Variants in MELK observed in about 807,000 individuals in gnomAD.
MELK encodes pEg3 kinase.
A neutral mutation model predicts 85.0 loss-of-function variants in MELK; 81 were observed. The ratio of observed to expected loss-of-function variants is 0.95; its 90% CI spans 0.80 to 1.15. The LOEUF is 1.15. Among genes scored for constraint, MELK ranks in the 50% most tolerant of loss-of-function variants. The pLI is 0.00. For missense variants in MELK, 754 were observed against 777.5 expected, an observed-to-expected ratio of 0.97 and a Z score of 0.36; for synonymous variants, 252 against 265.0, an observed-to-expected ratio of 0.95 and a Z score of 0.48.
chr9:36,589,484 G>A, intron 3 of MELK, 52 bp from the exon 4 acceptor site: 2 of 1,442,010 alleles, frequency 1.4e-6, no homozygotes, highest in Non-Finnish European at 2.0e-6. Context: ...TTGGAGCTTG[G>A]AACACCACCT....
intron 3 of MELK, among the ~76,000 whole-genome samples, chr9:36,585,734 C>T (rs965266902): frequency 1.3e-5 from 2 of 151,916 alleles, no homozygotes; most frequent in East Asian, 1.9e-4. Flanking sequence ...GCCAGGAGTT[C>T]GAGACTAGCC....
chr9:36,607,926 G>T (rs1054780290), intron 8 of MELK, among the ~76,000 whole-genome samples: 8 of 152,118 alleles, frequency 5.3e-5, no homozygotes, highest in African/African-American at 1.4e-4. Flanking sequence ...AGTTGCCCAT[G>T]GTCAACTGCG....
At chr9:36,616,033 G>A (rs1467060738) in intron 8 of MELK, among the ~76,000 whole-genome samples, 1 of 152,014 alleles carries the variant, frequency 6.6e-6, no homozygotes, top group Non-Finnish European at 1.5e-5. Context: ...GCCCCGCGGG[G>A]CCCGTCCGCT....
At chr9:36,654,914 G>A (rs1268949531) in intron 12 of MELK, among the ~76,000 whole-genome samples, 3 of 152,074 alleles carry the variant, frequency 2.0e-5, no homozygotes, top group East Asian at 1.9e-4. Flanking sequence ...ATTGAGACAC[G>A]AAGCAAGTCA....
At chr9:36,659,146 G>T (rs1052951224) in intron 13 of MELK, among the ~76,000 whole-genome samples, 1 of 152,132 alleles carries the variant, frequency 6.6e-6, no homozygotes, top group Non-Finnish European at 1.5e-5. Context: ...CTCCCAAAGT[G>T]CTGGGATTAC....
chr9:36,583,287 C>T (rs1822452303), intron 2 of MELK, among the ~76,000 whole-genome samples: 1 of 151,990 alleles, frequency 6.6e-6, no homozygotes, highest in Non-Finnish European at 1.5e-5. Context: ...ATATTTAAAA[C>T]TGAGTGGAAG....
chr9:36,614,424 G>GTTT (rs1399561249), intron 8 of MELK, among the ~76,000 whole-genome samples: 225 of 47,078 alleles, frequency 4.8e-3, no homozygotes, highest in African/African-American at 0.021. Context: ...ATTATTTTTG[G>GTTT]GTTTTTTTTT....
At chr9:36,594,047 A>G (rs1007917263) in intron 4 of MELK, among the ~76,000 whole-genome samples, 3 of 152,144 alleles carry the variant, frequency 2.0e-5, no homozygotes, top group African/African-American at 7.2e-5. Context: ...GGTCAAGTCT[A>G]TATGCATTTG....
At position 36,594,738 on chromosome 9, in the gene MELK, C is replaced by T. The variant is rs748818251; in HGVS notation, c.372C>T (p.His124=). 1.2e-6 allele frequency: 2 copies of T among 1,613,956 alleles called. No homozygotes were observed. The highest frequency in any genetic ancestry group is 2.7e-5 in the African/African-American group (2 of 74,914). ...TAGTATCTGCTGTTGCTTATGTGCA[C>T]AGCCAGGGCTATGCTCACAGGGACC... The part of the protein sequence containing the change: ...RQIVSAVAYV[H]SQGYAHRDLK... The change falls in exon 5 of 18, where the codon CAC becomes CAT. Residue 124 remains histidine (H), a synonymous_variant. Coordinates refer to ENST00000298048, the MANE Select transcript of MELK (RefSeq NM_014791.4).
intron 8 of MELK, among the ~76,000 whole-genome samples, chr9:36,610,613 G>A (rs891737831): frequency 6.6e-6 from 1 of 152,192 alleles, no homozygotes; most frequent in African/African-American, 2.4e-5. Context: ...GTCACTTCTT[G>A]AGCTTTCTTG....
intron 7 of MELK, among the ~76,000 whole-genome samples, chr9:36,601,954 G>A (rs936655519): frequency 6.6e-6 from 1 of 152,050 alleles, no homozygotes; most frequent in African/African-American, 2.4e-5. Context: ...ACCACATTTT[G>A]TTTATTCATT....
chr9:36,592,749 CTGT>C (rs890004220), intron 4 of MELK, among the ~76,000 whole-genome samples: 4 of 152,048 alleles, frequency 2.6e-5, no homozygotes, highest in Non-Finnish European at 5.9e-5. Context: ...ATGAAGTAGG[CTGT>C]TTTCTTTTTG....
intron 8 of MELK, among the ~76,000 whole-genome samples, chr9:36,615,519 G>A (rs1332778417): frequency 7.2e-6 from 1 of 138,834 alleles, no homozygotes; most frequent in Non-Finnish European, 1.6e-5. Flanking sequence ...CCTCCCGGAC[G>A]GGGTGGCTGC....
intron 5 of MELK, among the ~76,000 whole-genome samples, chr9:36,596,698 T>G (rs920632160): frequency 4.0e-5 from 6 of 151,490 alleles, no homozygotes; most frequent in African/African-American, 1.5e-4. Context: ...GCAGTTCTTT[T>G]GCCTCAACCT....
intron 7 of MELK, among the ~76,000 whole-genome samples, chr9:36,602,969 G>C (rs1825089484): frequency 6.6e-6 from 1 of 152,188 alleles, no homozygotes; most frequent in South Asian, 2.1e-4. Context: ...GCTGGTGACT[G>C]AGTGAGATTT....
chr9:36,652,399 C>CTT (rs911816828), intron 12 of MELK, among the ~76,000 whole-genome samples: 5 of 151,116 alleles, frequency 3.3e-5, no homozygotes, highest in Admixed American at 1.3e-4. Flanking sequence ...CCCCTGACTC[C>CTT]TTTTTTTTCA....
At chr9:36,587,744 G>T (rs1043826957) in intron 3 of MELK, among the ~76,000 whole-genome samples, 3 of 151,102 alleles carry the variant, frequency 2.0e-5, no homozygotes, top group Admixed American at 6.6e-5. Context: ...TTACAGGCAT[G>T]TGCCACCACG....
intron 12 of MELK, among the ~76,000 whole-genome samples, chr9:36,653,353 C>T (rs1197667689): frequency 2.0e-5 from 3 of 152,038 alleles, no homozygotes; most frequent in South Asian, 4.1e-4. Context: ...GCTATGTTGC[C>T]CAGGCTGGTC....
At chr9:36,659,041 C>T (rs1046933749) in intron 13 of MELK, among the ~76,000 whole-genome samples, 3 of 152,128 alleles carry the variant, frequency 2.0e-5, no homozygotes, top group African/African-American at 7.2e-5. Flanking sequence ...GCCACCACGC[C>T]TGGCTAATTT....
Sources: gnomAD v4.1 joint callset for allele counts (sites outside exome capture counted in the v4.1 genomes callset) on GRCh38, gnomAD v4.1.1 for gene constraint, MANE v1.5 for transcripts, NCBI Gene and HGNC (gene_info 2026-07-23, HGNC 2026-07-21) for gene names.